EIF4A2: variants seen among roughly 807,000 people sequenced by gnomAD.
The protein encoded by EIF4A2 is eukaryotic translation initiation factor 4A2.
In EIF4A2, 9 loss-of-function variants were observed where a neutral mutation model predicts 50.6. The ratio of observed to expected loss-of-function variants is 0.18; its 90% CI spans 0.11 to 0.31. EIF4A2 has a LOEUF of 0.31. Ranked by LOEUF, EIF4A2 falls within the 10% of genes least tolerant of loss-of-function variation. EIF4A2 has a pLI of 1.00. For synonymous variants in EIF4A2, 215 were observed against 164.4 expected (o/e 1.31, Z -2.35); for missense variants, 182 against 501.8 (o/e 0.36, Z 6.09).
intron 1 of EIF4A2, 116 bp from the exon 2 acceptor site, chr3:186,784,316 C>G: frequency 2.0e-6 from 3 of 1,475,954 alleles, no homozygotes; most frequent in East Asian, 2.3e-5. Context: ...GAGGCTGCTG[C>G]TTTAGCTTGT....
At chr3:186,788,930 C>T (rs549269469) in intron 10 of EIF4A2, 195 bp from the exon 11 acceptor site, 3 of 658,040 alleles carry the variant, frequency 4.6e-6, no homozygotes, top group Non-Finnish European at 7.1e-6. Flanking sequence ...CCAGACAAGC[C>T]TTGAATCCTT....
intron 3 of EIF4A2, 130 bp from the exon 4 acceptor site, chr3:186,784,832 T>A: frequency 6.3e-7 from 1 of 1,597,802 alleles, no homozygotes; most frequent in African/African-American, 1.3e-5. Context: ...GGGACTGACC[T>A]GAAATGAAGA....
In EIF4A2 at chr3:186,789,799, CAAGCAAT is replaced by C; in HGVS notation, c.*531_*537del. On this transcript the variant is annotated 3_prime_UTR_variant, in exon 11 of 11. Coordinates refer to ENST00000323963, the MANE Select transcript of EIF4A2 (RefSeq NM_001967.4). ...ACTGGACCCTGTTGCTAAGCCCCAG[CAAGCAAT>C]CCTAGGTAGGGTTTAATCCCCAGTA... is the stretch of plus-strand genomic sequence containing the variant. The C allele has an allele frequency of 1.7e-6, 1 of 581,688 alleles. No individual in the cohort carries two copies. Among genetic ancestry groups the C allele is most frequent in the Non-Finnish European group, 3.0e-6 (1 of 330,866 alleles). The allele number at this position is 581,688 out of a possible 1,614,324, so 36.0% of individuals were successfully genotyped here. A position where few individuals can be genotyped will look rare whatever the true frequency, so the allele number is the denominator to read the frequency against.
Position 186,784,953 on chromosome 3 carries a change from T to A in EIF4A2, c.209-9T>A. The A allele has an allele frequency of 6.2e-7, 1 of 1,614,116 alleles. No homozygotes were observed. Among genetic ancestry groups the A allele is most frequent in the Non-Finnish European group, 8.5e-7 (1 of 1,179,988 alleles). The stretch of plus-strand genomic sequence containing the variant: ...TGGGATCGGTAAATGTGTATCCTAC[T>A]TTTTTTAGGGTATGATGTGATTGCT... On this transcript the variant is annotated splice_polypyrimidine_tract_variant and intron_variant, in intron 3 of 10. Coordinates refer to ENST00000323963, the MANE Select transcript of EIF4A2 (RefSeq NM_001967.4).
At chr3:186,785,729 C>A in intron 4 of EIF4A2, 154 bp from the exon 5 acceptor site, 1 of 924,052 alleles carries the variant, frequency 1.1e-6, no homozygotes, top group Non-Finnish European at 1.6e-6. Flanking sequence ...TACCTTGCAG[C>A]AGTTAGGTCG....
intron 10 of EIF4A2, chr3:186,788,382 T>C: frequency 7.8e-7 from 1 of 1,289,282 alleles, no homozygotes; most frequent in Non-Finnish European, 1.0e-6. Flanking sequence ...CGTGGAATCA[T>C]AAGCGAAACA....
chr3:186,783,657 G>A lies in EIF4A2; in HGVS notation c.29+18G>A, dbSNP rs1202996993. The A allele has an allele frequency of 1.9e-6, 3 of 1,614,128 alleles. No homozygotes were observed. The Admixed American group carries it at 5.0e-5, about 27-fold the overall frequency. On this transcript the variant is annotated intron_variant, in intron 1 of 10. Coordinates refer to ENST00000323963, the MANE Select transcript of EIF4A2 (RefSeq NM_001967.4). The stretch of plus-strand genomic sequence containing the variant: ...TATAACAGGTATGCAGTCTGTTGGC[G>A]GTCGCGGTCTGTAGTGAAGGTCATA...
At position 186,787,169 on chromosome 3, in the gene EIF4A2, A is replaced by G; in HGVS notation, c.814A>G (p.Thr272Ala). Reference sequence around the variant, plus strand: ...ACTTTGTGACTTGTACGAGACACTGACCATTACACAGGCTGTTATTTTTCT... The same window carrying G: ...ACTTTGTGACTTGTACGAGACACTGGCCATTACACAGGCTGTTATTTTTCT... ...DTLCDLYETLTITQAVIFLNT... is the reference protein window; with the variant it reads ...DTLCDLYETLAITQAVIFLNT... The change falls in exon 8 of 11, where the codon ACC becomes GCC. Residue 272 changes from threonine to alanine, a missense_variant. Thr to Ala is a moderately conservative substitution (Grantham distance 58). Transcript: ENST00000323963. 6.2e-7 allele frequency: 1 copy of G among 1,614,084 alleles called. No homozygotes were observed. The highest frequency in any genetic ancestry group is 8.5e-7 in the Non-Finnish European group (1 of 1,179,982).
At chr3:186,788,448 T>C in intron 10 of EIF4A2, 1 of 1,232,208 alleles carries the variant, frequency 8.1e-7, no homozygotes, top group South Asian at 1.4e-5. Flanking sequence ...TCTTTTGTCA[T>C]GATTATTTGA....
chr3:186,786,679 T>C (rs1393385728), intron 7 of EIF4A2, 34 bp downstream of exon 7: 1 of 1,612,260 alleles, frequency 6.2e-7, no homozygotes, highest in Admixed American at 1.7e-5. Flanking sequence ...TATTTTACCT[T>C]CTTGTATAAG....
In EIF4A2 at chr3:186,787,108, TAAC is replaced by T; in HGVS notation, c.772-18_772-16del. The T allele has an allele frequency of 1.2e-6, 2 of 1,612,300 alleles. No individual in the cohort carries two copies. Among genetic ancestry groups the T allele is most frequent in the Non-Finnish European group, 1.7e-6 (2 of 1,179,572 alleles). On this transcript the variant is annotated splice_polypyrimidine_tract_variant and intron_variant, in intron 7 of 10. Transcript: ENST00000323963. ...GGAAAAACTAAATGACTGTTAACTT[TAAC>T]TTCTAAACATTACAGGAATGGAAGT...
chr3:186,787,036 G>A lies in EIF4A2; in HGVS notation c.772-91G>A. The A allele has an allele frequency of 4.0e-6, 6 of 1,503,144 alleles. No homozygotes were observed. In the South Asian group the frequency reaches 7.8e-5, roughly 20 times the overall value. The allele number at this position is 1,503,144 out of a possible 1,614,324, so 93.1% of individuals were successfully genotyped here. A position where few individuals can be genotyped will look rare whatever the true frequency, so the allele number is the denominator to read the frequency against. On this transcript the variant is annotated intron_variant, in intron 7 of 10. Coordinates refer to ENST00000323963, the MANE Select transcript of EIF4A2 (RefSeq NM_001967.4). ...GGATCCCAAAGGGCTGGGATTACAGGCATTAGCACTGTGGCTGGCCCAGAA... is the reference window on the plus strand; with the variant it reads ...GGATCCCAAAGGGCTGGGATTACAGACATTAGCACTGTGGCTGGCCCAGAA...
intron 3 of EIF4A2, 80 bp downstream of exon 3, chr3:186,784,776 G>GC (rs1560083790): frequency 2.5e-6 from 4 of 1,606,474 alleles, no homozygotes; most frequent in Non-Finnish European, 3.4e-6. Context: ...TGGGGGACTA[G>GC]CACCTGTTTG....
intron 7 of EIF4A2, 79 bp downstream of exon 7, chr3:186,786,724 C>T (rs1721737053): frequency 1.3e-6 from 2 of 1,594,780 alleles, no homozygotes; most frequent in Non-Finnish European, 1.7e-6. Flanking sequence ...AGGACCATGT[C>T]TTGGTTTTTG....
Position 186,786,951 on chromosome 3 carries a change from A to G in EIF4A2, c.772-176A>G. ...ACTGGCCAATTTTGGTATTTTGGGT[A>G]GAGACAGTTTCACTTTCTTGAAACC... On this transcript the variant is annotated intron_variant, in intron 7 of 10. Transcript: ENST00000323963. The G allele has an allele frequency of 5.9e-6, 6 of 1,024,616 alleles. No individual in the cohort carries two copies. In the South Asian group the frequency reaches 6.0e-5, roughly 10 times the overall value. The allele number at this position is 1,024,616 out of a possible 1,614,324, so 63.5% of individuals were successfully genotyped here.
intron 3 of EIF4A2, 95 bp from the exon 4 acceptor site, chr3:186,784,867 T>A (rs1484413305): frequency 1.2e-6 from 2 of 1,605,196 alleles, no homozygotes; most frequent in African/African-American, 2.7e-5. Flanking sequence ...GATCACTTGA[T>A]TATTTGGGCA....
intron 1 of EIF4A2, chr3:186,783,982 C>A (rs965538238): frequency 2.4e-6 from 1 of 421,660 alleles, no homozygotes; most frequent in Non-Finnish European, 4.3e-6. Context: ...GCTTTATTTT[C>A]GGTCATCCAC....
chr3:186,787,033 C>T, intron 7 of EIF4A2, 94 bp from the exon 8 acceptor site: 4 of 1,497,620 alleles, frequency 2.7e-6, no homozygotes, highest in Non-Finnish European at 2.7e-6. Flanking sequence ...GCTGGGATTA[C>T]AGGCATTAGC....
chr3:186,786,080 T>C (rs916385394), intron 5 of EIF4A2, 29 bp downstream of exon 5: 130 of 1,600,066 alleles, frequency 8.1e-5, no homozygotes, highest in Non-Finnish European at 1.0e-4. Flanking sequence ...AGAGTATTTT[T>C]TTTAAAACTG....
Sources: allele counts gnomAD v4.1 joint callset, GRCh38; gene constraint gnomAD v4.1.1; transcripts MANE v1.5; gene names NCBI Gene and HGNC (gene_info 2026-07-23, HGNC 2026-07-21).